GABRG3: variants seen among roughly 807,000 people sequenced by gnomAD.
GABRG3 encodes the protein gamma-aminobutyric acid type A receptor subunit gamma3.
In GABRG3, 25 loss-of-function variants were observed where a neutral mutation model predicts 48.8. That is an observed-to-expected ratio of 0.51 (90% CI 0.37 to 0.72). The LOEUF is 0.72. Ranked by LOEUF, GABRG3 falls within the 30% of genes least tolerant of loss-of-function variation. GABRG3 has a pLI of 0.00. For missense variants in GABRG3, 394 were observed against 577.9 expected, an observed-to-expected ratio of 0.68 and a Z score of 3.26; for synonymous variants, 227 against 217.6, an observed-to-expected ratio of 1.04 and a Z score of -0.38.
chr15:27,006,481 G>A (rs1056742340), intron 2 of GABRG3, among the ~76,000 whole-genome samples: 3 of 152,156 alleles, frequency 2.0e-5, no homozygotes, highest in Admixed American at 6.5e-5. Flanking sequence ...GATTACAGGC[G>A]TGAGCCACTG....
In GABRG3 at chr15:27,431,569, A is replaced by G. The variant is rs575909224; in HGVS notation, c.575-49081A>G. On this transcript the variant is annotated intron_variant, in intron 5 of 9. Coordinates refer to ENST00000615808, the MANE Select transcript of GABRG3 (RefSeq NM_033223.5). ...AACCTGTTGTTCGGTTTTGAATAAA[A>G]GTGTTGAGAGCAGGCATTTTGTCTT... Among the ~76,000 whole-genome samples the G allele has an allele frequency of 2.0e-5, 3 of 152,298 alleles. No individual in the cohort carries two copies. In the East Asian group the frequency reaches 5.8e-4, roughly 29 times the overall value.
At chr15:27,267,102 CTT>C (rs57772496) in intron 3 of GABRG3, among the ~76,000 whole-genome samples, 44,331 of 112,124 alleles carry the variant, frequency 0.4, 8,178 homozygotes, top group Non-Finnish European at 0.51. Context: ...TAGTCTTTTA[CTT>C]TTTTTTTTTT....
At chr15:27,226,629 C>G (rs74004732) in intron 3 of GABRG3, among the ~76,000 whole-genome samples, 1 of 151,744 alleles carries the variant, frequency 6.6e-6, no homozygotes. Flanking sequence ...ACCGGTGCTT[C>G]CCCCAGCAAA....
At chr15:26,988,482 G>A (rs943516169) in intron 2 of GABRG3, among the ~76,000 whole-genome samples, 1 of 152,016 alleles carries the variant, frequency 6.6e-6, no homozygotes, top group African/African-American at 2.4e-5. Context: ...GTGTTAGTAT[G>A]GTATATACGT....
At chr15:27,453,904 C>T (rs1204847212) in intron 5 of GABRG3, among the ~76,000 whole-genome samples, 4 of 152,168 alleles carry the variant, frequency 2.6e-5, no homozygotes, top group Non-Finnish European at 5.9e-5. Context: ...ACCCAGCCAA[C>T]TTCTTAAGCC....
At chr15:27,397,418 A>T (rs763256284) in intron 5 of GABRG3, among the ~76,000 whole-genome samples, 2 of 152,134 alleles carry the variant, frequency 1.3e-5, no homozygotes, top group African/African-American at 4.8e-5. Context: ...AACTGCCTCT[A>T]TGTGGCTTTC....
At position 26,975,074 on chromosome 15, in the gene GABRG3, A is replaced by T. The variant is rs182523152; in HGVS notation, c.54-1928A>T. Among the ~76,000 whole-genome samples, 962 of 151,822 alleles carry T rather than the reference A, an allele frequency of 6.3e-3. 11 individuals carry two copies. The highest frequency in any genetic ancestry group is 0.022 in the African/African-American group (931 of 41,416). On this transcript the variant is annotated intron_variant, in intron 1 of 9. Transcript: ENST00000615808. The surrounding 1 kb of genome is among the most constrained non-coding windows in gnomAD (Gnocchi z 4.6). ...GTATTTTTAGTAGAGACGGGGTTTC[A>T]CCCTGTTGGCCAGGCTGGTCTGGAA...
rs539997029 is a variant in GABRG3 at position 27,323,270 on chromosome 15, CT to C, written c.271-3538del. On this transcript the variant is annotated intron_variant, in intron 3 of 9. Transcript: ENST00000615808. ...TCAAGTTTTCTGAGCTTCAATTTCT[CT>C]GTTATACTTAGGTTAAACAAACAAA... 8.9e-4 allele frequency among the ~76,000 whole-genome samples: 135 copies of C among 152,302 alleles called. 1 individual carries two copies. Among genetic ancestry groups the C allele is most frequent in the African/African-American group, 3.1e-3 (129 of 41,568 alleles).
chr15:27,493,709 A>C (rs7166591), intron 6 of GABRG3, among the ~76,000 whole-genome samples: 33,254 of 152,190 alleles, frequency 0.22, 4,219 homozygotes, highest in East Asian at 0.53. Flanking sequence ...GATAACTATT[A>C]GTTATATTCT....
intron 5 of GABRG3, among the ~76,000 whole-genome samples, chr15:27,440,810 T>C (rs927097730): frequency 6.6e-6 from 1 of 152,242 alleles, no homozygotes; most frequent in Non-Finnish European, 1.5e-5. Context: ...TAAGACTAGA[T>C]CATAATTATT....
chr15:27,226,408 C>T (rs1889617843), intron 3 of GABRG3, among the ~76,000 whole-genome samples: 1 of 152,140 alleles, frequency 6.6e-6, no homozygotes, highest in Admixed American at 6.5e-5. Context: ...ATCGCGGCCA[C>T]TAAGTGGAGG....
chr15:27,483,592 G>T (rs565428610), intron 6 of GABRG3, among the ~76,000 whole-genome samples: 1 of 152,202 alleles, frequency 6.6e-6, no homozygotes, highest in Non-Finnish European at 1.5e-5. Flanking sequence ...GAAATGAGGC[G>T]TTCCCTTGTC....
At chr15:27,394,867 G>A (rs1284786390) in intron 5 of GABRG3, among the ~76,000 whole-genome samples, 3 of 151,766 alleles carry the variant, frequency 2.0e-5, no homozygotes, top group Admixed American at 6.6e-5. Flanking sequence ...TTTCTTGCTT[G>A]CTTTGAAGAG....
rs1894840103 is a variant in GABRG3 at position 26,971,449 on chromosome 15, A to G, written c.-87A>G. Reference sequence around the variant, plus strand: ...AGCAGCCTCGGAGGAAGCCAGGGCAAAGAGGGCCGGCGGAGACCAGGTCCG... The same window carrying G: ...AGCAGCCTCGGAGGAAGCCAGGGCAGAGAGGGCCGGCGGAGACCAGGTCCG... On this transcript the variant is annotated 5_prime_UTR_variant, in exon 1 of 10. Transcript: ENST00000615808. The G allele has an allele frequency of 1.7e-6, 2 of 1,162,844 alleles. No individual in the cohort carries two copies. The highest frequency in any genetic ancestry group is 1.2e-6 in the Non-Finnish European group (1 of 868,306). 72.0% of individuals were successfully genotyped at this position (1,162,844 alleles called of 1,614,324 possible).
chr15:27,177,285 T>G (rs1287858262), intron 3 of GABRG3, among the ~76,000 whole-genome samples: 1 of 152,200 alleles, frequency 6.6e-6, no homozygotes, highest in African/African-American at 2.4e-5. Context: ...GAGAAATATC[T>G]CAAAACCAGT....
At chr15:27,116,970 C>CT (rs1897652048) in intron 3 of GABRG3, among the ~76,000 whole-genome samples, 1 of 152,200 alleles carries the variant, frequency 6.6e-6, no homozygotes. Context: ...TATTCATAAA[C>CT]TACCAAGTCT....
chr15:27,293,259 A>C (rs1891853782), intron 3 of GABRG3, among the ~76,000 whole-genome samples: 1 of 152,228 alleles, frequency 6.6e-6, no homozygotes, highest in Non-Finnish European at 1.5e-5. Flanking sequence ...ATTTAGAATT[A>C]ATGGAGGGAA....
chr15:27,304,381 CATT>C (rs1231440648), intron 3 of GABRG3, among the ~76,000 whole-genome samples: 2 of 151,910 alleles, frequency 1.3e-5, no homozygotes, highest in East Asian at 3.9e-4. Flanking sequence ...GATCAGCACT[CATT>C]ATTAATCAGG....
At chr15:27,145,153 AGGAATGAACCATATACAGGGAAAAAAC>A in intron 3 of GABRG3, among the ~76,000 whole-genome samples, 1 of 112,444 alleles carries the variant, frequency 8.9e-6, no homozygotes, top group African/African-American at 4.0e-5. Flanking sequence ...GGGAAAAATA[AGGAATGAACCATATACAGGGAAAAAAC>A]CGTCAATAGA....
Sources: allele counts gnomAD v4.1 joint callset (sites outside exome capture counted in the v4.1 genomes callset), GRCh38; gene constraint gnomAD v4.1.1; non-coding constraint Gnocchi (gnomAD v3.1); transcripts MANE v1.5; gene names NCBI Gene and HGNC (gene_info 2026-07-23, HGNC 2026-07-21).